ACOXL: variants seen among roughly 807,000 people sequenced by gnomAD.
ACOXL encodes the protein acyl-CoA oxidase like.
Under a neutral mutation model 71.9 loss-of-function variants are expected in ACOXL, and 70 were observed. The ratio of observed to expected loss-of-function variants is 0.97; its 90% CI spans 0.80 to 1.19. The LOEUF (loss-of-function observed/expected upper bound fraction) is 1.19. Among genes scored for constraint, ACOXL ranks in the 50% most tolerant of loss-of-function variants. The probability of loss-of-function intolerance (pLI) is 0.00; values close to 1 mark genes in which losing one functional copy is unlikely to be tolerated. For missense variants in ACOXL, 703 were observed against 736.3 expected (o/e 0.95, Z 0.52); for synonymous variants, 253 against 281.6 (o/e 0.90, Z 1.02).
At chr2:110,960,472 C>T (rs1043737411) in intron 12 of ACOXL, among the ~76,000 whole-genome samples, 1 of 152,136 alleles carries the variant, frequency 6.6e-6, no homozygotes, top group Non-Finnish European at 1.5e-5. Context: ...TCACAACATT[C>T]CTTGGCTCCT....
intron 1 of ACOXL, among the ~76,000 whole-genome samples, chr2:110,755,704 T>C (rs1573357706): frequency 6.6e-6 from 1 of 152,330 alleles, no homozygotes; most frequent in Middle Eastern, 3.4e-3. Flanking sequence ...AGGAACATAC[T>C]CCATCTAGTG....
At position 110,978,911 on chromosome 2, in the gene ACOXL, A is replaced by G. The variant is rs1011439726; in HGVS notation, c.1060-8197A>G. Among the ~76,000 whole-genome samples the G allele has an allele frequency of 2.6e-5, 4 of 152,306 alleles. No homozygotes were observed. In the South Asian group the frequency reaches 6.2e-4, roughly 24 times the overall value. On this transcript the variant is annotated intron_variant, in intron 12 of 17. Coordinates refer to ENST00000439055, the MANE Select transcript of ACOXL (RefSeq NM_001142807.4). ...TCTCTTTTCAGTTGAAAAAAATTCC[A>G]CAAGTAACATGTATTCCAGCAACAC...
intron 10 of ACOXL, among the ~76,000 whole-genome samples, chr2:110,875,282 G>A (rs893458683): frequency 5.3e-5 from 8 of 152,314 alleles, no homozygotes; most frequent in East Asian, 1.9e-4. Context: ...GGGAAGGACC[G>A]TGGAGAGCAT....
At chr2:111,013,522 CAAA>C (rs56905916) in intron 14 of ACOXL, among the ~76,000 whole-genome samples, 3,090 of 95,466 alleles carry the variant, frequency 0.032, 54 homozygotes, top group African/African-American at 0.11. Context: ...GACCCTGTCT[CAAA>C]AAAAAAAAAA....
chr2:110,836,465 G>C (rs993802463), intron 9 of ACOXL, among the ~76,000 whole-genome samples: 1 of 151,910 alleles, frequency 6.6e-6, no homozygotes, highest in African/African-American at 2.4e-5. Context: ...TTCTGTGCCT[G>C]CCTGGCCCTG....
intron 12 of ACOXL, among the ~76,000 whole-genome samples, chr2:110,957,831 C>T (rs901831123): frequency 1.6e-4 from 25 of 151,768 alleles, no homozygotes; most frequent in African/African-American, 4.4e-4. Context: ...CCGAGGCGGG[C>T]GGATCACCTG....
At chr2:110,753,813 G>A (rs1487009807) in intron 1 of ACOXL, among the ~76,000 whole-genome samples, 1 of 152,130 alleles carries the variant, frequency 6.6e-6, no homozygotes, top group Non-Finnish European at 1.5e-5. Context: ...CAAAGTGGTT[G>A]TACCATTTTA....
intron 14 of ACOXL, among the ~76,000 whole-genome samples, chr2:111,017,025 C>CA (rs978960836): frequency 6.6e-6 from 1 of 152,204 alleles, no homozygotes; most frequent in Admixed American, 6.5e-5. Context: ...GCTCTGGTCT[C>CA]ATGACTGAAG....
intron 17 of ACOXL, 111 bp downstream of exon 17, chr2:111,093,077 T>A: frequency 1.2e-6 from 1 of 813,982 alleles, no homozygotes; most frequent in East Asian, 2.6e-5. Context: ...TGGATTTTTA[T>A]GCCTCTGGGA....
intron 3 of ACOXL, among the ~76,000 whole-genome samples, chr2:110,787,736 A>G (rs1048669255): frequency 6.6e-6 from 1 of 151,804 alleles, no homozygotes; most frequent in Admixed American, 6.6e-5. Flanking sequence ...CCACCTTTGG[A>G]CCACTTGCTT....
At chr2:111,041,593 T>C (rs965252261) in intron 15 of ACOXL, among the ~76,000 whole-genome samples, 1 of 127,230 alleles carries the variant, frequency 7.9e-6, no homozygotes, top group Non-Finnish European at 1.7e-5. Context: ...CTGCCGCCTC[T>C]GGCTGCCCCC....
chr2:110,943,457 G>A (rs142215463), intron 12 of ACOXL, among the ~76,000 whole-genome samples: 2 of 152,122 alleles, frequency 1.3e-5, no homozygotes, highest in African/African-American at 2.4e-5. Flanking sequence ...TAGAGCCCAC[G>A]GTGATATGGT....
rs532563368 is a variant in ACOXL at position 111,039,561 on chromosome 2, C to T, written c.1369+7847C>T. On this transcript the variant is annotated intron_variant, in intron 15 of 17. Coordinates refer to ENST00000439055, the MANE Select transcript of ACOXL (RefSeq NM_001142807.4). ...CCAGTATTTCACCTTTGTCTACTGA[C>T]ACGTAGAATCTCAGCTCTGGCTTAT... Among the ~76,000 whole-genome samples, 49 of 152,288 alleles carry T rather than the reference C, an allele frequency of 3.2e-4. 1 individual carries two copies. Among genetic ancestry groups the T allele is most frequent in the African/African-American group, 1.1e-3 (47 of 41,558 alleles).
At chr2:110,858,980 A>G (rs965127072) in intron 10 of ACOXL, among the ~76,000 whole-genome samples, 8 of 152,222 alleles carry the variant, frequency 5.3e-5, no homozygotes, top group Non-Finnish European at 1.0e-4. Flanking sequence ...ATATAACACA[A>G]TAAAATTCGC....
intron 17 of ACOXL, among the ~76,000 whole-genome samples, chr2:111,103,503 C>T (rs565462351): frequency 2.0e-5 from 3 of 152,198 alleles, no homozygotes; most frequent in Admixed American, 6.5e-5. Flanking sequence ...GCATTGATTC[C>T]ATTAACCTAA....
intron 10 of ACOXL, among the ~76,000 whole-genome samples, chr2:110,853,729 A>AGCTC (rs1692898536): frequency 6.6e-6 from 1 of 152,154 alleles, no homozygotes; most frequent in South Asian, 2.1e-4. Flanking sequence ...AGCCAGCCCG[A>AGCTC]GGCCCTTTCT....
At chr2:111,102,836 A>G (rs993249027) in intron 17 of ACOXL, among the ~76,000 whole-genome samples, 2 of 152,218 alleles carry the variant, frequency 1.3e-5, no homozygotes, top group East Asian at 3.8e-4. Flanking sequence ...AATAATTTTT[A>G]TAGTGTAAAA....
Position 110,796,531 on chromosome 2 carries a change from A to T in ACOXL, c.346-2079A>T, listed in dbSNP as rs566246602. On this transcript the variant is annotated intron_variant, in intron 5 of 17. Coordinates refer to ENST00000439055, the MANE Select transcript of ACOXL (RefSeq NM_001142807.4). The stretch of plus-strand genomic sequence containing the variant: ...AACCTCCTTTCCCAGAGTGTAGCAA[A>T]TGTTTATGGGGACGGGTGGCCTTCT... 5.3e-5 allele frequency among the ~76,000 whole-genome samples: 8 copies of T among 152,278 alleles called. No homozygotes were observed. In the South Asian group the frequency reaches 1.7e-3, roughly 32 times the overall value.
chr2:110,958,272 A>G (rs2061576162), intron 12 of ACOXL, among the ~76,000 whole-genome samples: 1 of 152,150 alleles, frequency 6.6e-6, no homozygotes, highest in Non-Finnish European at 1.5e-5. Flanking sequence ...GCGATTCCCA[A>G]CAGAGACATA....
Sources: allele counts gnomAD v4.1 joint callset (sites outside exome capture counted in the v4.1 genomes callset), GRCh38; gene constraint gnomAD v4.1.1; transcripts MANE v1.5; gene names NCBI Gene and HGNC (gene_info 2026-07-23, HGNC 2026-07-21).